PCDHA5: variants seen among roughly 807,000 people sequenced by gnomAD.
PCDHA5 encodes the protein protocadherin alpha-5.
Under a neutral mutation model 61.6 loss-of-function variants are expected in PCDHA5, and 43 were observed. That is an observed-to-expected ratio of 0.70 (90% CI 0.55 to 0.90). The LOEUF (loss-of-function observed/expected upper bound fraction) is 0.90, where lower values mean the gene tolerates loss of function less well. Among genes scored for constraint, PCDHA5 ranks in the 40% least tolerant of loss-of-function variants. The pLI, the probability that PCDHA5 is intolerant of heterozygous loss-of-function variation, is 0.00. For missense variants in PCDHA5, 1,298 were observed against 1,222.7 expected (o/e 1.06, Z -0.92); for synonymous variants, 627 against 543.9 (o/e 1.15, Z -2.13).
At position 140,927,034 on chromosome 5, in the gene PCDHA5, G is replaced by A. The variant is rs782732545; in HGVS notation, c.2353-51915G>A. ...CTCCGCGGACTTGAGGCTGCCAGCG[G>A]CCGCTATGTCCTCGCGGAACTTTCG... On this transcript the variant is annotated intron_variant, in intron 1 of 3. Coordinates refer to ENST00000529859, the MANE Select transcript of PCDHA5 (RefSeq NM_018908.3). 6 of 1,612,400 alleles carry A rather than the reference G, an allele frequency of 3.7e-6. No individual in the cohort carries two copies. The East Asian group carries it at 8.9e-5, about 24-fold the overall frequency.
chr5:140,924,704 G>A (rs6883852), intron 1 of PCDHA5, among the ~76,000 whole-genome samples: 1 of 152,052 alleles, frequency 6.6e-6, no homozygotes, highest in Non-Finnish European at 1.5e-5. Flanking sequence ...AGACCAGCTT[G>A]TGCAACATGG....
chr5:140,829,233 C>T, intron 1 of PCDHA5: 1 of 1,614,254 alleles, frequency 6.2e-7, no homozygotes, highest in Non-Finnish European at 8.5e-7. Context: ...GATTCAGGTG[C>T]CAACGGGCAG....
At chr5:140,899,423 G>A (rs2067323431) in intron 1 of PCDHA5, among the ~76,000 whole-genome samples, 1 of 152,134 alleles carries the variant, frequency 6.6e-6, no homozygotes. Context: ...TTTGTCAAAG[G>A]TCTTTTCTGC....
intron 1 of PCDHA5, among the ~76,000 whole-genome samples, chr5:140,923,882 G>A (rs1261780966): frequency 6.6e-6 from 1 of 152,192 alleles, no homozygotes; most frequent in Non-Finnish European, 1.5e-5. Context: ...AGAAGCGTGT[G>A]AAAGAGGAGG....
At position 140,850,002 on chromosome 5, in the gene PCDHA5, T is replaced by G. The variant is rs2150462762; in HGVS notation, c.2352+25875T>G. The G allele has an allele frequency of 2.8e-5, 45 of 1,596,824 alleles. No homozygotes were observed. In the South Asian group the frequency reaches 3.6e-4, roughly 13 times the overall value. The stretch of plus-strand genomic sequence containing the variant: ...GGTGGAGCGGCGGTTGGGCGAGCGC[T>G]CGCTGTCGAGCTACGTGTCAGTGCA... On this transcript the variant is annotated intron_variant, in intron 1 of 3. Coordinates refer to ENST00000529859, the MANE Select transcript of PCDHA5 (RefSeq NM_018908.3).
At chr5:140,899,704 T>C (rs2067500536) in intron 1 of PCDHA5, among the ~76,000 whole-genome samples, 1 of 152,242 alleles carries the variant, frequency 6.6e-6, no homozygotes, top group Non-Finnish European at 1.5e-5. Context: ...TAAAATGAGT[T>C]AGGGAGGATT....
intron 1 of PCDHA5, chr5:140,843,117 C>T: frequency 6.3e-7 from 1 of 1,595,860 alleles, no homozygotes; most frequent in Non-Finnish European, 8.6e-7. Context: ...GCAGTGGACG[C>T]CGACTCGGGC....
Position 140,823,665 on chromosome 5 carries a change from C to A in PCDHA5, c.1890C>A (p.Ile630=), listed in dbSNP as rs782647575. 3 of 1,614,048 alleles carry A rather than the reference C, an allele frequency of 1.9e-6. No individual in the cohort carries two copies. The highest frequency in any genetic ancestry group is 2.5e-6 in the Non-Finnish European group (3 of 1,179,952). The change falls in exon 1 of 4, where the codon ATC becomes ATA. Residue 630 remains isoleucine (I), a synonymous_variant. Transcript: ENST00000529859. The part of the protein sequence containing the change: ...PFRVGLYTGE[I]STTRSLDETE... Reference sequence around the variant, plus strand: ...GCGTGGGGCTGTACACAGGCGAGATCAGCACAACACGCTCTCTGGATGAGA... The same window carrying A: ...GCGTGGGGCTGTACACAGGCGAGATAAGCACAACACGCTCTCTGGATGAGA...
In PCDHA5 at chr5:140,856,432, C is replaced by T. The variant is rs782418117; in HGVS notation, c.2352+32305C>T. On this transcript the variant is annotated intron_variant, in intron 1 of 3. Transcript: ENST00000529859. ...TGGAAGTGAAGGACATTAACGACAA[C>T]CCGCCCAGGTTCTCCGTAACAGAAC... 1.9e-6 allele frequency: 3 copies of T among 1,598,272 alleles called. No individual in the cohort carries two copies. In the African/African-American group the frequency reaches 4.0e-5, roughly 22 times the overall value.
chr5:141,007,498 G>A (rs936217793), intron 3 of PCDHA5, among the ~76,000 whole-genome samples: 1 of 151,942 alleles, frequency 6.6e-6, no homozygotes. Flanking sequence ...GACCTAGGAG[G>A]CAGAGACTGC....
intron 1 of PCDHA5, among the ~76,000 whole-genome samples, chr5:140,923,822 T>C (rs1377526546): frequency 6.6e-6 from 1 of 152,156 alleles, no homozygotes; most frequent in Non-Finnish European, 1.5e-5. Flanking sequence ...AAAATAGACG[T>C]CAGTGGCAGT....
intron 1 of PCDHA5, chr5:140,848,281 T>C: frequency 1.7e-6 from 1 of 600,408 alleles, no homozygotes; most frequent in Non-Finnish European, 2.9e-6. Context: ...AATATGTACT[T>C]ACACTTTGGG....
chr5:140,975,612 C>T (rs1554236918), intron 1 of PCDHA5, among the ~76,000 whole-genome samples: 1 of 152,194 alleles, frequency 6.6e-6, no homozygotes, highest in Non-Finnish European at 1.5e-5. Flanking sequence ...ATGTCTTCCA[C>T]ATGGATTTCC....
intron 1 of PCDHA5, chr5:140,857,408 T>C: frequency 6.3e-7 from 1 of 1,597,854 alleles, no homozygotes; most frequent in Non-Finnish European, 8.6e-7. Context: ...CGCGCCTGCG[T>C]TCGCGCAGTC....
At chr5:140,931,662 T>C (rs905670675) in intron 1 of PCDHA5, among the ~76,000 whole-genome samples, 2 of 152,028 alleles carry the variant, frequency 1.3e-5, no homozygotes, top group Non-Finnish European at 2.9e-5. Context: ...GTGGGCTGGA[T>C]ATTTCCTTAT....
chr5:140,879,366 C>A (rs1363345702), intron 1 of PCDHA5, among the ~76,000 whole-genome samples: 1 of 152,156 alleles, frequency 6.6e-6, no homozygotes, highest in East Asian at 1.9e-4. Flanking sequence ...CATTAACCAA[C>A]CTGCAGAACA....
intron 1 of PCDHA5, chr5:140,836,260 T>C (rs2150256538): frequency 6.2e-7 from 1 of 1,613,780 alleles, no homozygotes; most frequent in Admixed American, 1.7e-5. Flanking sequence ...CGCGTGGGGC[T>C]GTACACTGGT....
chr5:140,834,240 C>T (rs1209689880), intron 1 of PCDHA5: 2 of 806,998 alleles, frequency 2.5e-6, no homozygotes, highest in Non-Finnish European at 3.9e-6. Flanking sequence ...CATTCCTTTT[C>T]GCACTGGAAA....
rs782046977 is a variant in PCDHA5 at position 140,968,811 on chromosome 5, A to T, written c.2353-10138A>T. The T allele has an allele frequency of 5.0e-6, 8 of 1,614,086 alleles. No homozygotes were observed. The African/African-American group carries it at 6.7e-5, about 13-fold the overall frequency. The stretch of plus-strand genomic sequence containing the variant: ...GTGGCCATTACAGTAGCTGTGGTGG[A>T]TAGGGTTTCCAAAATCCTCCCTGAC... On this transcript the variant is annotated intron_variant, in intron 1 of 3. Coordinates refer to ENST00000529859, the MANE Select transcript of PCDHA5 (RefSeq NM_018908.3).
Sources: gnomAD v4.1 joint callset for allele counts (sites outside exome capture counted in the v4.1 genomes callset) on GRCh38, gnomAD v4.1.1 for gene constraint, MANE v1.5 for transcripts, NCBI Gene and HGNC (gene_info 2026-07-23, HGNC 2026-07-21) for gene names.